The following TOPAZ1 variants were observed in gnomAD, a reference collection of about 807,000 sequenced individuals.
TOPAZ1 encodes the protein testis and ovary specific TOPAZ 1.
A neutral mutation model predicts 172.2 loss-of-function variants in TOPAZ1; 66 were observed. That is an observed-to-expected ratio of 0.38 (90% CI 0.31 to 0.47). TOPAZ1 has a LOEUF of 0.47. TOPAZ1 is among the 20% of genes least tolerant of loss of function. The pLI is 0.99. For missense variants in TOPAZ1, 1,822 were observed against 1,972.4 expected, an observed-to-expected ratio of 0.92 and a Z score of 1.44; for synonymous variants, 681 against 683.9, an observed-to-expected ratio of 1.00 and a Z score of 0.07.
chr3:44,271,835 T>C (rs1356920057), intron 8 of TOPAZ1, among the ~76,000 whole-genome samples: 8 of 152,100 alleles, frequency 5.3e-5, no homozygotes, highest in African/African-American at 1.4e-4. Context: ...ACAATAGATA[T>C]CAAAGAAAAA....
At chr3:44,302,468 A>C (rs907972103) in intron 12 of TOPAZ1, among the ~76,000 whole-genome samples, 1 of 152,202 alleles carries the variant, frequency 6.6e-6, no homozygotes, top group Non-Finnish European at 1.5e-5. Flanking sequence ...TTGAGATGCC[A>C]CCTTCATCGT....
chr3:44,316,287 G>A (rs960814306), intron 16 of TOPAZ1, among the ~76,000 whole-genome samples: 1 of 151,980 alleles, frequency 6.6e-6, no homozygotes, highest in Non-Finnish European at 1.5e-5. Context: ...AGTAAATCAA[G>A]CAACTTAGCC....
At chr3:44,325,824 G>C (rs1700594325) in intron 18 of TOPAZ1, among the ~76,000 whole-genome samples, 1 of 152,058 alleles carries the variant, frequency 6.6e-6, no homozygotes, top group African/African-American at 2.4e-5. Context: ...TGTATTTTTA[G>C]TAGAGATGGG....
chr3:44,335,322 T>G (rs1473651584), downstream of TOPAZ1, among the ~76,000 whole-genome samples: 1 of 151,886 alleles, frequency 6.6e-6, no homozygotes, highest in Non-Finnish European at 1.5e-5. Flanking sequence ...GGTCTAAAGT[T>G]TTTTTTTAAA....
At chr3:44,254,491 G>A (rs189262507) in intron 2 of TOPAZ1, among the ~76,000 whole-genome samples, 113 of 152,096 alleles carry the variant, frequency 7.4e-4, no homozygotes, top group African/African-American at 2.2e-3. Flanking sequence ...GCTGGGCGTC[G>A]TGGTGCATGC....
At chr3:44,293,162 C>T (rs1700158192) in intron 12 of TOPAZ1, among the ~76,000 whole-genome samples, 1 of 152,166 alleles carries the variant, frequency 6.6e-6, no homozygotes. Flanking sequence ...AACAAACTTA[C>T]TGCGCTGCCA....
At chr3:44,263,786 AT>A (rs1172624690) in intron 5 of TOPAZ1, among the ~76,000 whole-genome samples, 2 of 152,166 alleles carry the variant, frequency 1.3e-5, no homozygotes, top group East Asian at 3.8e-4. Context: ...AAGTAAATGC[AT>A]TTGTATTTAC....
At chr3:44,289,482 A>AT (rs11387976) in intron 11 of TOPAZ1, among the ~76,000 whole-genome samples, 27,458 of 151,532 alleles carry the variant, frequency 0.18, 2,727 homozygotes, top group Middle Eastern at 0.29. Context: ...TTTTTACAGG[A>AT]TTTTTTTTTA....
chr3:44,265,099 G>A (rs1235185491), intron 5 of TOPAZ1, among the ~76,000 whole-genome samples: 1 of 152,150 alleles, frequency 6.6e-6, no homozygotes, highest in Non-Finnish European at 1.5e-5. Flanking sequence ...ACCTCGAATG[G>A]TGAATTCTTC....
At chr3:44,319,076 G>T (rs1433093962) in intron 16 of TOPAZ1, among the ~76,000 whole-genome samples, 1 of 151,904 alleles carries the variant, frequency 6.6e-6, no homozygotes, top group Non-Finnish European at 1.5e-5. Context: ...TACACGTATT[G>T]GGATATAGCT....
intron 12 of TOPAZ1, among the ~76,000 whole-genome samples, chr3:44,301,984 A>G (rs1700277045): frequency 6.6e-6 from 1 of 152,024 alleles, no homozygotes; most frequent in East Asian, 1.9e-4. Flanking sequence ...TTCTTTTACT[A>G]TTTGTATGAC....
At chr3:44,276,645 T>TTTTTTTTTTTTTTTTTTTTTTTTTTTG (rs1699962269) in intron 8 of TOPAZ1, among the ~76,000 whole-genome samples, 1 of 129,066 alleles carries the variant, frequency 7.7e-6, no homozygotes, top group Non-Finnish European at 1.6e-5. Context: ...TTTTTTTTTT[T>TTTTTTTTTTTTTTTTTTTTTTTTTTTG]TTTTTTTTCC....
intron 15 of TOPAZ1, among the ~76,000 whole-genome samples, chr3:44,308,150 C>T (rs748810290): frequency 3.3e-5 from 5 of 151,900 alleles, no homozygotes; most frequent in East Asian, 1.9e-4. Flanking sequence ...TGGCGCTAAT[C>T]GGGAGGCTGA....
At chr3:44,287,224 T>C (rs886697021) in intron 9 of TOPAZ1, among the ~76,000 whole-genome samples, 165 bp from the exon 10 acceptor site, 1 of 152,234 alleles carries the variant, frequency 6.6e-6, no homozygotes, top group Non-Finnish European at 1.5e-5. Flanking sequence ...ATTTTGACTT[T>C]TGCTTTAATT....
Position 44,245,159 on chromosome 3 carries a change from A to G in TOPAZ1, c.2653A>G (p.Thr885Ala). The G allele has an allele frequency of 2.6e-6, 4 of 1,552,022 alleles. No individual in the cohort carries two copies. Among genetic ancestry groups the G allele is most frequent in the Non-Finnish European group, 3.5e-6 (4 of 1,147,050 alleles). The change falls in exon 2 of 20, where the codon ACT (threonine) becomes GCT (alanine). Residue 885 changes from threonine to alanine, a missense_variant. Transcript: ENST00000309765. ...GVSNEGELSF[T>A]SEVPKISQEP... is the part of the protein sequence containing the mutation. ...CTCCAATGAAGGGGAGCTCTCATTT[A>G]CTTCTGAGGTCCCAAAGATAAGCCA... is the stretch of plus-strand genomic sequence containing the variant.
intron 17 of TOPAZ1, 21 bp from the exon 18 acceptor site, chr3:44,323,071 A>G (rs1040139005): frequency 8.9e-6 from 13 of 1,457,926 alleles, no homozygotes; most frequent in African/African-American, 2.9e-5. Context: ...GAATTTTATT[A>G]TATCATTTTT....
In TOPAZ1 at chr3:44,244,175, A is replaced by G. The variant is rs1413291466; in HGVS notation, c.1669A>G (p.Thr557Ala). The part of the protein sequence containing the change: ...LLQSSLTETN[T>A]ESSSKEKLDS... ...ACAAAGTTCCTTAACAGAAACAAAC[A>G]CTGAATCTTCAAGTAAAGAAAAATT... The change falls in exon 2 of 20, where the codon ACT (threonine) becomes GCT (alanine). Residue 557 changes from threonine (T) to alanine (A), a missense_variant. Around this residue, in one of 2 missense-constraint regions of TOPAZ1, gnomAD observed 1,489 missense variants for 1,490.8 expected, o/e 1.00. Transcript: ENST00000309765. 20 of 1,550,710 alleles carry G rather than the reference A, an allele frequency of 1.3e-5. No individual in the cohort carries two copies. The East Asian group carries it at 1.5e-4, about 11-fold the overall frequency.
chr3:44,269,973 G>T (rs1328090786), intron 7 of TOPAZ1, among the ~76,000 whole-genome samples: 2 of 152,060 alleles, frequency 1.3e-5, no homozygotes, highest in African/African-American at 2.4e-5. Flanking sequence ...TTTGAATGGA[G>T]GTTTGTGGTA....
In TOPAZ1 at chr3:44,242,290, G is replaced by C; in HGVS notation, c.237G>C (p.Arg79Ser). The change falls in exon 1 of 20, where the codon AGG becomes AGC. Residue 79 changes from arginine to serine, a missense_variant. Coordinates refer to ENST00000309765, the MANE Select transcript of TOPAZ1 (RefSeq NM_001145030.2). The stretch of plus-strand genomic sequence containing the variant: ...CATCAGGGGCTGGAAAGGCCGCAAG[G>C]CGTCAGGTGGAGGGGCGCAGGGGCC... ...VAASGAGKAA[R>S]RQVEGRRGPV... is the part of the protein sequence containing the mutation. 1 of 1,551,358 alleles carries C rather than the reference G, an allele frequency of 6.4e-7. No homozygotes were observed. The highest frequency in any genetic ancestry group is 1.2e-5 in the South Asian group (1 of 83,996).
Sources: gnomAD v4.1 joint callset for allele counts (sites outside exome capture counted in the v4.1 genomes callset) on GRCh38, gnomAD v4.1.1 for gene constraint, gnomAD v4.1.1 regional missense constraint, MANE v1.5 for transcripts, NCBI Gene and HGNC (gene_info 2026-07-23, HGNC 2026-07-21) for gene names.